The following CTNNA3 variants were observed in gnomAD, a reference collection of about 807,000 sequenced individuals.
The protein encoded by CTNNA3 is catenin alpha-3.
CTNNA3 carries 76 observed loss-of-function variants against 95.7 expected under a neutral mutation model. That is an observed-to-expected ratio of 0.79 (90% CI 0.66 to 0.96). CTNNA3 has a LOEUF of 0.96. CTNNA3 is among the 40% of genes least tolerant of loss of function. The probability of loss-of-function intolerance (pLI) is 0.00; values close to 1 mark genes in which losing one functional copy is unlikely to be tolerated. For missense variants in CTNNA3, 1,191 were observed against 1,089.8 expected (o/e 1.09, Z -1.31); for synonymous variants, 431 against 374.4 (o/e 1.15, Z -1.74).
intron 7 of CTNNA3, among the ~76,000 whole-genome samples, chr10:66,834,144 C>T (rs550471273): frequency 1.3e-5 from 2 of 152,288 alleles, no homozygotes; most frequent in East Asian, 3.9e-4. Flanking sequence ...CCCACTTTTC[C>T]TGCCTTCTAC....
At chr10:66,495,858 G>C (rs755116452) in intron 11 of CTNNA3, among the ~76,000 whole-genome samples, 1 of 151,984 alleles carries the variant, frequency 6.6e-6, no homozygotes, top group African/African-American at 2.4e-5. Flanking sequence ...GTTTCACCAT[G>C]TGTTGGCCAG....
In CTNNA3 at chr10:67,019,722, T is replaced by C. The variant is rs189451826; in HGVS notation, c.1047+160595A>G. On this transcript the variant is annotated intron_variant, in intron 7 of 17. Transcript: ENST00000433211. Reference sequence around the variant, plus strand: ...TGTCATCCCTTCCATATAAATAGTCTTAAAATAACCTCAGTTAATCCTTTG... The same window carrying C: ...TGTCATCCCTTCCATATAAATAGTCCTAAAATAACCTCAGTTAATCCTTTG... Among the ~76,000 whole-genome samples the C allele has an allele frequency of 9.9e-5, 15 of 152,264 alleles. No individual in the cohort carries two copies. In the East Asian group the frequency reaches 2.7e-3, roughly 27 times the overall value.
rs961239852 is a variant in CTNNA3 at position 66,211,989 on chromosome 10, T to A, written c.1884+68481A>T. 7.4e-4 allele frequency among the ~76,000 whole-genome samples: 103 copies of A among 139,326 alleles called. 2 individuals are homozygous for A. Among genetic ancestry groups the A allele is most frequent in the South Asian group, 3.3e-3 (14 of 4,296 alleles). 91.4% of individuals were successfully genotyped at this position (139,326 alleles called of 152,430 possible). A position where few individuals can be genotyped will look rare whatever the true frequency, so the allele number is the denominator to read the frequency against. ...TAGCAACTATTGTTTTTGGGTTTTTTTTTTTTTTTTTTTTTTTTGAGACAG... is the reference window on the plus strand; with the variant it reads ...TAGCAACTATTGTTTTTGGGTTTTTATTTTTTTTTTTTTTTTTTGAGACAG... On this transcript the variant is annotated intron_variant, in intron 13 of 17. Coordinates refer to ENST00000433211, the MANE Select transcript of CTNNA3 (RefSeq NM_013266.4).
At chr10:66,188,593 C>A (rs918914736) in intron 13 of CTNNA3, among the ~76,000 whole-genome samples, 4 of 104,548 alleles carry the variant, frequency 3.8e-5, no homozygotes, top group African/African-American at 1.4e-4. Flanking sequence ...GAGGGGGGGT[C>A]TCTGTGTGTG....
At chr10:67,083,674 C>A (rs1208809469) in intron 7 of CTNNA3, among the ~76,000 whole-genome samples, 1 of 152,110 alleles carries the variant, frequency 6.6e-6, no homozygotes, top group Non-Finnish European at 1.5e-5. Flanking sequence ...GTGGCTTTCC[C>A]TCTACCCTAT....
chr10:66,807,816 A>T (rs1299662999), intron 7 of CTNNA3, among the ~76,000 whole-genome samples: 1 of 152,154 alleles, frequency 6.6e-6, no homozygotes, highest in Non-Finnish European at 1.5e-5. Context: ...GAGTTTTTAT[A>T]TCATCTGATA....
chr10:66,199,493 C>T (rs953623715), intron 13 of CTNNA3, among the ~76,000 whole-genome samples: 2 of 151,432 alleles, frequency 1.3e-5, no homozygotes, highest in African/African-American at 4.8e-5. Flanking sequence ...AACTTCAGTG[C>T]TATGTATGTA....
At chr10:66,538,110 G>T (rs574470453) in intron 10 of CTNNA3, among the ~76,000 whole-genome samples, 51 of 152,144 alleles carry the variant, frequency 3.4e-4, no homozygotes, top group Non-Finnish European at 6.5e-4. Flanking sequence ...GGTTTTCTAA[G>T]ACACTATGGC....
intron 13 of CTNNA3, among the ~76,000 whole-genome samples, chr10:66,216,967 C>T (rs1284918965): frequency 6.6e-6 from 1 of 152,186 alleles, no homozygotes; most frequent in Non-Finnish European, 1.5e-5. Context: ...TACCCTTCTA[C>T]AGTCACAACT....
chr10:66,509,339 T>C (rs563843064), intron 11 of CTNNA3, among the ~76,000 whole-genome samples: 11 of 152,122 alleles, frequency 7.2e-5, no homozygotes, highest in Non-Finnish European at 1.0e-4. Context: ...AGGCTGTAAC[T>C]TAACTCTGTT....
chr10:67,503,499 C>T (rs1275706975), intron 5 of CTNNA3, among the ~76,000 whole-genome samples: 2 of 152,036 alleles, frequency 1.3e-5, no homozygotes, highest in Non-Finnish European at 1.5e-5. Flanking sequence ...ATGGTTTTCA[C>T]AATAAATAAG....
chr10:66,665,110 C>A (rs1846403351), intron 9 of CTNNA3, among the ~76,000 whole-genome samples: 1 of 152,110 alleles, frequency 6.6e-6, no homozygotes, highest in South Asian at 2.1e-4. Flanking sequence ...GGTCACACTG[C>A]CAACACAAGG....
chr10:67,570,411 A>C (rs532303720), intron 3 of CTNNA3, among the ~76,000 whole-genome samples: 2 of 152,186 alleles, frequency 1.3e-5, no homozygotes, highest in African/African-American at 2.4e-5. Context: ...TTCCACTGCC[A>C]AATTCTGAGT....
intron 7 of CTNNA3, among the ~76,000 whole-genome samples, chr10:66,825,856 T>C (rs1842488477): frequency 6.6e-6 from 1 of 152,144 alleles, no homozygotes; most frequent in African/African-American, 2.4e-5. Context: ...TTCTGCCTGT[T>C]CCAGATTGAA....
At position 66,327,083 on chromosome 10, in the gene CTNNA3, G is replaced by A. The variant is rs575276301; in HGVS notation, c.1733-46462C>T. On this transcript the variant is annotated intron_variant, in intron 12 of 17. Transcript: ENST00000433211. The stretch of plus-strand genomic sequence containing the variant: ...CACTTCTGTTTCAGAACTATTTTTA[G>A]GCCCTCAGGAACTTCAGCCACCTCT... Among the ~76,000 whole-genome samples the A allele has an allele frequency of 2.6e-5, 4 of 152,080 alleles. No individual in the cohort carries two copies. The South Asian group carries it at 8.3e-4, about 32-fold the overall frequency.
intron 7 of CTNNA3, among the ~76,000 whole-genome samples, chr10:67,001,138 T>C (rs533190027): frequency 6.6e-6 from 1 of 151,124 alleles, no homozygotes; most frequent in East Asian, 2.0e-4. Flanking sequence ...CTGTCTCTAC[T>C]AAAAATACAA....
chr10:65,943,850 C>T (rs1049657304), intron 17 of CTNNA3, among the ~76,000 whole-genome samples: 3 of 152,152 alleles, frequency 2.0e-5, no homozygotes, highest in African/African-American at 7.2e-5. Context: ...AGTATCTACA[C>T]ATTAGGTAAG....
At chr10:67,354,526 C>T (rs528672173) in intron 5 of CTNNA3, among the ~76,000 whole-genome samples, 2 of 152,004 alleles carry the variant, frequency 1.3e-5, no homozygotes, top group South Asian at 4.2e-4. Flanking sequence ...TAAAAAATCT[C>T]ATTGCTGTAG....
At position 66,685,728 on chromosome 10, in the gene CTNNA3, C is replaced by T. The variant is rs185335972; in HGVS notation, c.1282-63944G>A. On this transcript the variant is annotated intron_variant, in intron 9 of 17. Transcript: ENST00000433211. ...CTGTAAACAAGATATTTAAAATGAC[C>T]ATGAACAATTTTTATGTATCTGTAG... Among the ~76,000 whole-genome samples the T allele has an allele frequency of 7.3e-3, 1,105 of 151,920 alleles. 8 individuals carry two copies. The highest frequency in any genetic ancestry group is 0.025 in the African/African-American group (1,035 of 41,412).
Sources: gnomAD v4.1 joint callset for allele counts (sites outside exome capture counted in the v4.1 genomes callset) on GRCh38, gnomAD v4.1.1 for gene constraint, MANE v1.5 for transcripts, NCBI Gene and HGNC (gene_info 2026-07-23, HGNC 2026-07-21) for gene names.